Variants in TNKS2 observed in about 807,000 individuals in gnomAD.
TNKS2 encodes the protein poly [ADP-ribose] polymerase tankyrase-2.
Under a neutral mutation model 137.6 loss-of-function variants are expected in TNKS2, and 72 were observed. The observed-to-expected ratio is 0.52, with a 90% confidence interval of 0.43 to 0.64. The LOEUF (loss-of-function observed/expected upper bound fraction) is 0.64. Ranked by LOEUF, TNKS2 falls within the 30% of genes least tolerant of loss-of-function variation. The probability of loss-of-function intolerance (pLI) is 0.00; values close to 1 mark genes in which losing one functional copy is unlikely to be tolerated. For missense variants in TNKS2, 1,049 were observed against 1,410.2 expected, an observed-to-expected ratio of 0.74 and a Z score of 4.10; for synonymous variants, 516 against 512.1, an observed-to-expected ratio of 1.01 and a Z score of -0.10.
chr10:91,858,580 AG>A (rs1842773814), intron 24 of TNKS2, among the ~76,000 whole-genome samples: 1 of 152,180 alleles, frequency 6.6e-6, no homozygotes, highest in South Asian at 2.1e-4. Context: ...TCCACTCCCA[AG>A]GAAAGAGGAG....
chr10:91,845,207 T>G (rs1216662196), intron 17 of TNKS2, among the ~76,000 whole-genome samples, 179 bp downstream of exon 17: 1 of 152,208 alleles, frequency 6.6e-6, no homozygotes, highest in Non-Finnish European at 1.5e-5. Context: ...TGCTGTGTGA[T>G]ATGCGGTGTA....
At chr10:91,822,258 T>C in intron 6 of TNKS2, 38 bp from the exon 7 acceptor site, 1 of 1,540,818 alleles carries the variant, frequency 6.5e-7, no homozygotes, top group Non-Finnish European at 8.9e-7. Flanking sequence ...CTAAGAAATC[T>C]ATACTGAAAC....
chr10:91,802,072 G>C (rs10881970), intron 1 of TNKS2, among the ~76,000 whole-genome samples: 28,920 of 152,046 alleles, frequency 0.19, 2,841 homozygotes, highest in Middle Eastern at 0.28. Flanking sequence ...TTGCATTGTA[G>C]AGTCCTAGCT....
intron 13 of TNKS2, 105 bp from the exon 14 acceptor site, chr10:91,840,456 A>G: frequency 1.0e-6 from 1 of 1,004,654 alleles, no homozygotes; most frequent in Non-Finnish European, 1.5e-6. Flanking sequence ...ATTTAATGAG[A>G]CAAGAAAATA....
At chr10:91,849,616 T>TGGCCGGGCGCGG in intron 20 of TNKS2, 22 bp downstream of exon 20, 1 of 1,560,970 alleles carries the variant, frequency 6.4e-7, no homozygotes, top group Non-Finnish European at 8.7e-7. Flanking sequence ...AATCATATTG[T>TGGCCGGGCGCGG]TTGGATTAGT....
chr10:91,851,619 C>T (rs1220879370), intron 21 of TNKS2, among the ~76,000 whole-genome samples: 1 of 152,138 alleles, frequency 6.6e-6, no homozygotes, highest in Non-Finnish European at 1.5e-5. Context: ...AGATTATTTT[C>T]TGAAGTTATT....
chr10:91,846,027 A>G (rs1217714461), intron 18 of TNKS2, 87 bp downstream of exon 18: 6 of 1,213,436 alleles, frequency 4.9e-6, no homozygotes, highest in Non-Finnish European at 6.5e-6. Context: ...CTTTATAGTC[A>G]ATGTGAATGG....
chr10:91,810,697 A>T (rs940459711), intron 1 of TNKS2, among the ~76,000 whole-genome samples: 1 of 149,244 alleles, frequency 6.7e-6, no homozygotes, highest in African/African-American at 2.5e-5. Context: ...TTTAGTAGAG[A>T]CAGGGTTTCA....
chr10:91,811,697 A>G (rs1844513113), intron 1 of TNKS2, among the ~76,000 whole-genome samples: 2 of 152,098 alleles, frequency 1.3e-5, no homozygotes, highest in South Asian at 2.1e-4. Flanking sequence ...AGACTGTACC[A>G]TTACTTTCTT....
chr10:91,859,796 A>C, intron 25 of TNKS2, 148 bp downstream of exon 25: 2 of 570,844 alleles, frequency 3.5e-6, no homozygotes. Flanking sequence ...CAATTGTAAT[A>C]ATAGCTAATA....
At chr10:91,804,707 A>G (rs1315590911) in intron 1 of TNKS2, among the ~76,000 whole-genome samples, 2 of 152,186 alleles carry the variant, frequency 1.3e-5, no homozygotes, top group East Asian at 3.9e-4. Flanking sequence ...GACCATAACA[A>G]TAGAGATTTT....
chr10:91,803,795 C>T (rs1180557819), intron 1 of TNKS2, among the ~76,000 whole-genome samples: 1 of 152,114 alleles, frequency 6.6e-6, no homozygotes, highest in Non-Finnish European at 1.5e-5. Context: ...GACATTTTTC[C>T]AGAACTTTGC....
Position 91,798,647 on chromosome 10 carries a change from T to A in TNKS2, c.-44T>A. 8.2e-7 allele frequency: 1 copy of A among 1,216,186 alleles called. No homozygotes were observed. Among genetic ancestry groups the A allele is most frequent in the Non-Finnish European group, 1.0e-6 (1 of 977,284 alleles). The allele number at this position is 1,216,186 out of a possible 1,614,324, so 75.3% of individuals were successfully genotyped here. On this transcript the variant is annotated 5_prime_UTR_variant, in exon 1 of 27. Transcript: ENST00000371627. ...CTGCTCGCGGGGCCGGGGCTCCTGCTCCGGTTGCTGGCGCTGTTGCTGGCT... is the reference window on the plus strand; with the variant it reads ...CTGCTCGCGGGGCCGGGGCTCCTGCACCGGTTGCTGGCGCTGTTGCTGGCT...
At chr10:91,860,410 T>A (rs1842822159) in intron 25 of TNKS2, among the ~76,000 whole-genome samples, 1 of 152,170 alleles carries the variant, frequency 6.6e-6, no homozygotes, top group South Asian at 2.1e-4. Context: ...ATTCTTAGGC[T>A]CCACCTTCTC....
intron 19 of TNKS2, among the ~76,000 whole-genome samples, chr10:91,849,275 A>G (rs531099653): frequency 6.6e-6 from 1 of 152,258 alleles, no homozygotes; most frequent in African/African-American, 2.4e-5. Flanking sequence ...TTAAAAATAT[A>G]GATGCAATTA....
chr10:91,825,975 AT>A (rs1444664911), intron 7 of TNKS2, among the ~76,000 whole-genome samples: 2 of 152,234 alleles, frequency 1.3e-5, no homozygotes, highest in Non-Finnish European at 2.9e-5. Context: ...GCATAAAGAA[AT>A]GTTTATGATA....
chr10:91,822,921 G>A (rs947939880), intron 7 of TNKS2, among the ~76,000 whole-genome samples: 6 of 150,954 alleles, frequency 4.0e-5, no homozygotes, highest in African/African-American at 1.5e-4. Flanking sequence ...ATCTTGTGAC[G>A]CATCATCTGA....
At chr10:91,807,260 C>A (rs1207447625) in intron 1 of TNKS2, 5 of 1,609,078 alleles carry the variant, frequency 3.1e-6, no homozygotes, top group Non-Finnish European at 4.3e-6. Flanking sequence ...TCTCAATCTT[C>A]TTTACATCTT....
intron 1 of TNKS2, among the ~76,000 whole-genome samples, chr10:91,812,190 C>G (rs1429645456): frequency 2.0e-5 from 3 of 152,092 alleles, no homozygotes; most frequent in Admixed American, 2.0e-4. Context: ...CATTTCAAAG[C>G]TAGGTGTAAA....
Sources: gnomAD v4.1 joint callset for allele counts (sites outside exome capture counted in the v4.1 genomes callset) on GRCh38, gnomAD v4.1.1 for gene constraint, MANE v1.5 for transcripts, NCBI Gene and HGNC (gene_info 2026-07-23, HGNC 2026-07-21) for gene names.